PPP2R2B: variants seen among roughly 807,000 people sequenced by gnomAD.
PPP2R2B encodes serine/threonine-protein phosphatase 2A 55 kDa regulatory subunit B beta isoform.
A neutral mutation model predicts 46.0 loss-of-function variants in PPP2R2B; 5 were observed. The ratio of observed to expected loss-of-function variants is 0.11; its 90% CI spans 0.06 to 0.23. The LOEUF is 0.23. Among genes scored for constraint, PPP2R2B ranks in the 10% least tolerant of loss-of-function variants. The probability of loss-of-function intolerance (pLI) is 1.00; values close to 1 mark genes in which losing one functional copy is unlikely to be tolerated. For missense variants in PPP2R2B, 367 were observed against 575.0 expected (o/e 0.64, Z 3.70); for synonymous variants, 215 against 206.7 (o/e 1.04, Z -0.34).
intron 5 of PPP2R2B, among the ~76,000 whole-genome samples, chr5:146,666,734 A>G (rs1201190018): frequency 6.6e-6 from 1 of 152,244 alleles, no homozygotes; most frequent in East Asian, 1.9e-4. Context: ...CTTGGCCTCC[A>G]CAAATGCTTT....
chr5:146,900,654 G>A (rs986556366), intron 1 of PPP2R2B, among the ~76,000 whole-genome samples: 11 of 148,468 alleles, frequency 7.4e-5, no homozygotes, highest in African/African-American at 2.5e-4. Flanking sequence ...CCGGGCTACA[G>A]GATGTGTGCA....
chr5:146,897,314 T>C (rs1241995310), intron 1 of PPP2R2B, among the ~76,000 whole-genome samples: 1 of 152,186 alleles, frequency 6.6e-6, no homozygotes, highest in Non-Finnish European at 1.5e-5. Flanking sequence ...TGCCCCCCGT[T>C]CCCACTGTTT....
At chr5:146,762,969 A>C (rs1391735084) in intron 2 of PPP2R2B, among the ~76,000 whole-genome samples, 1 of 152,156 alleles carries the variant, frequency 6.6e-6, no homozygotes, top group Non-Finnish European at 1.5e-5. Context: ...AGCCTCTGTC[A>C]TTTGGCTAAT....
intron 2 of PPP2R2B, among the ~76,000 whole-genome samples, chr5:146,829,599 G>A (rs1260678324): frequency 6.6e-6 from 1 of 152,144 alleles, no homozygotes; most frequent in African/African-American, 2.4e-5. Flanking sequence ...TGTATGTTAA[G>A]TACCTGCAGT....
At chr5:147,002,097 C>T (rs1298665067) in intron 1 of PPP2R2B, among the ~76,000 whole-genome samples, 1 of 152,162 alleles carries the variant, frequency 6.6e-6, no homozygotes, top group Non-Finnish European at 1.5e-5. Context: ...TTCTCCGAGG[C>T]TAGTCCCGCT....
intron 1 of PPP2R2B, among the ~76,000 whole-genome samples, chr5:147,046,628 G>C (rs1307191548): frequency 1.3e-5 from 2 of 151,970 alleles, no homozygotes; most frequent in African/African-American, 4.9e-5. Context: ...GCACTGATCA[G>C]TGTATGTTAC....
rs547613471 is a variant in PPP2R2B, at chr5:146,633,386, C to T, written c.790+4865G>A. Among the ~76,000 whole-genome samples, 13 of 152,282 alleles carry T rather than the reference C, an allele frequency of 8.5e-5. No homozygotes were observed. The Middle Eastern group carries it at 0.01, about 120-fold the overall frequency. On this transcript the variant is annotated intron_variant, in intron 7 of 9. Transcript: ENST00000394411. ...CCGATCACACACCTCGGCTGAACTG[C>T]GGTTGACTGCAGGCTGCCGTTTGAG...
chr5:147,072,807 C>A (rs2151911686), intron 2 of PPP2R2B, among the ~76,000 whole-genome samples: 1 of 152,288 alleles, frequency 6.6e-6, no homozygotes, highest in South Asian at 2.1e-4. Flanking sequence ...GGAACCTGAG[C>A]AAATAGCACA....
At chr5:146,594,768 C>T (rs1770999945) in intron 8 of PPP2R2B, among the ~76,000 whole-genome samples, 1 of 152,146 alleles carries the variant, frequency 6.6e-6, no homozygotes, top group South Asian at 2.1e-4. Flanking sequence ...TCTGGTGGGT[C>T]CTCAGTCCTT....
chr5:146,858,908 C>A (rs756074280), intron 2 of PPP2R2B, among the ~76,000 whole-genome samples: 2 of 152,096 alleles, frequency 1.3e-5, no homozygotes, highest in Non-Finnish European at 2.9e-5. Flanking sequence ...CATGCCCAAG[C>A]CCCAAAATCA....
intron 7 of PPP2R2B, among the ~76,000 whole-genome samples, chr5:146,607,373 T>C (rs1428427190): frequency 6.6e-6 from 1 of 152,154 alleles, no homozygotes; most frequent in Non-Finnish European, 1.5e-5. Flanking sequence ...TTAGATCGTA[T>C]TAAGACTCAG....
At position 146,586,510 on chromosome 5, in the gene PPP2R2B, G is replaced by C. The variant is rs1224456404; in HGVS notation, c.*3437C>G. ...TCAAGTCCTTAGAAATTGGGCATTT[G>C]AGTGTGTACCTTTTATTATAATGGA... On this transcript the variant is annotated 3_prime_UTR_variant, in exon 10 of 10. Coordinates refer to ENST00000394411, the MANE Select transcript of PPP2R2B (RefSeq NM_181675.4). 6.6e-6 allele frequency: 1 copy of C among 152,194 alleles called. No individual in the cohort carries two copies. The highest frequency in any genetic ancestry group is 6.5e-5 in the Admixed American group (1 of 15,284). 9.4% of individuals were successfully genotyped at this position (152,194 alleles called of 1,614,324 possible).
chr5:146,642,781 G>A (rs745570717), intron 6 of PPP2R2B, among the ~76,000 whole-genome samples: 18 of 152,258 alleles, frequency 1.2e-4, no homozygotes, highest in African/African-American at 3.1e-4. Context: ...TTAGGGCCAC[G>A]CATGGTGGCT....
intron 2 of PPP2R2B, among the ~76,000 whole-genome samples, chr5:146,841,569 G>A (rs1026924098): frequency 1.3e-5 from 2 of 152,166 alleles, no homozygotes; most frequent in African/African-American, 2.4e-5. Context: ...TAAAGAAAAT[G>A]TGGCACATAT....
chr5:147,045,031 C>A (rs886582055), intron 1 of PPP2R2B, among the ~76,000 whole-genome samples: 7 of 152,250 alleles, frequency 4.6e-5, no homozygotes, highest in African/African-American at 1.7e-4. Context: ...ATAAAAAATT[C>A]TTTGTCTGGA....
chr5:146,841,632 A>G (rs554749240), intron 2 of PPP2R2B, among the ~76,000 whole-genome samples: 8 of 152,326 alleles, frequency 5.3e-5, no homozygotes, highest in Admixed American at 3.9e-4. Flanking sequence ...TGTCCTTTGC[A>G]GGGACATAGA....
intron 1 of PPP2R2B, among the ~76,000 whole-genome samples, chr5:146,980,261 A>G (rs1422852205): frequency 1.3e-5 from 2 of 152,216 alleles, no homozygotes; most frequent in African/African-American, 4.8e-5. Context: ...TACTGAAGAT[A>G]AGGTAACAGA....
At chr5:146,727,526 G>T (rs1269391821) in intron 2 of PPP2R2B, among the ~76,000 whole-genome samples, 1 of 151,964 alleles carries the variant, frequency 6.6e-6, no homozygotes, top group Non-Finnish European at 1.5e-5. Context: ...CTAGAAGGTG[G>T]GAAGGTAGAA....
intron 7 of PPP2R2B, among the ~76,000 whole-genome samples, chr5:146,605,946 A>G (rs887297333): frequency 2.7e-4 from 41 of 152,218 alleles, no homozygotes; most frequent in Non-Finnish European, 1.0e-4. Flanking sequence ...ATAGATCTCC[A>G]TGGAGCTGTA....
Sources: allele counts gnomAD v4.1 joint callset (sites outside exome capture counted in the v4.1 genomes callset), GRCh38; gene constraint gnomAD v4.1.1; transcripts MANE v1.5; gene names NCBI Gene and HGNC (gene_info 2026-07-23, HGNC 2026-07-21).